The following GRM8 variants were observed in gnomAD, a reference collection of about 807,000 sequenced individuals.
GRM8 encodes glutamate metabotropic receptor 8, also known as metabotropic glutamate receptor 8.
A neutral mutation model predicts 87.2 loss-of-function variants in GRM8; 47 were observed. The ratio of observed to expected loss-of-function variants is 0.54; its 90% CI spans 0.43 to 0.69. The LOEUF (loss-of-function observed/expected upper bound fraction) is 0.69, where lower values mean the gene tolerates loss of function less well. Among genes scored for constraint, GRM8 ranks in the 30% least tolerant of loss-of-function variants. The pLI is 0.00. For missense variants in GRM8, 1,019 were observed against 1,139.2 expected (o/e 0.89, Z 1.52); for synonymous variants, 396 against 404.5 (o/e 0.98, Z 0.25).
At chr7:126,863,769 A>G (rs1221493747) in intron 6 of GRM8, among the ~76,000 whole-genome samples, 2 of 152,076 alleles carry the variant, frequency 1.3e-5, no homozygotes, top group Non-Finnish European at 2.9e-5. Context: ...TCCTATTTGG[A>G]TAGATTCATC....
chr7:126,626,101 AGT>A (rs71312854), intron 7 of GRM8, among the ~76,000 whole-genome samples: 3,607 of 148,660 alleles, frequency 0.024, 144 homozygotes, highest in African/African-American at 0.081. Flanking sequence ...ATATGAGAGA[AGT>A]GTGTGTGTGT....
At chr7:126,662,521 A>C (rs950363593) in intron 7 of GRM8, among the ~76,000 whole-genome samples, 5 of 152,170 alleles carry the variant, frequency 3.3e-5, no homozygotes, top group African/African-American at 1.2e-4. Flanking sequence ...TTCTGCAAAT[A>C]ATTCAGAAAA....
chr7:126,982,987 T>C (rs573203700), intron 3 of GRM8, among the ~76,000 whole-genome samples: 22 of 152,270 alleles, frequency 1.4e-4, no homozygotes, highest in Middle Eastern at 3.4e-3. Context: ...TGCATACCCT[T>C]CCTTACCTCT....
chr7:127,095,773 G>C (rs1450133889), intron 3 of GRM8: 1 of 152,178 alleles, frequency 6.6e-6, no homozygotes, highest in Non-Finnish European at 1.5e-5. Context: ...TGGGGGCAAT[G>C]CCTCTAAATG....
intron 9 of GRM8, among the ~76,000 whole-genome samples, chr7:126,487,336 G>C (rs143480826): frequency 4.7e-4 from 71 of 151,992 alleles, no homozygotes; most frequent in Non-Finnish European, 9.1e-4. Context: ...CTGCAATGTT[G>C]TCTAGGCTAG....
chr7:126,839,134 C>T (rs1796049121), intron 6 of GRM8, among the ~76,000 whole-genome samples: 1 of 152,288 alleles, frequency 6.6e-6, no homozygotes, highest in South Asian at 2.1e-4. Context: ...CTATACCAGG[C>T]ACTTTACATA....
chr7:126,749,894 T>C (rs149272916), intron 7 of GRM8, among the ~76,000 whole-genome samples: 1 of 152,170 alleles, frequency 6.6e-6, no homozygotes, highest in Non-Finnish European at 1.5e-5. Flanking sequence ...CTGTTAGTGA[T>C]GCAAAATGGT....
chr7:126,492,352 A>T (rs1028324218), intron 9 of GRM8, among the ~76,000 whole-genome samples: 1 of 152,026 alleles, frequency 6.6e-6, no homozygotes, highest in Non-Finnish European at 1.5e-5. Context: ...CACCTGGCCT[A>T]TAAGGAACTG....
chr7:126,620,936 C>T (rs1800100530), intron 7 of GRM8, among the ~76,000 whole-genome samples: 1 of 152,142 alleles, frequency 6.6e-6, no homozygotes, highest in Admixed American at 6.6e-5. Flanking sequence ...TCCCCTCATG[C>T]TACCAAAACC....
intron 3 of GRM8, among the ~76,000 whole-genome samples, chr7:127,015,176 G>GAGAAGAAGAAGA (rs778849282): frequency 6.9e-5 from 6 of 87,030 alleles, no homozygotes; most frequent in Admixed American, 1.5e-4. Context: ...GAAGGAGAAG[G>GAGAAGAAGAAGA]AGAAGAAGAA....
chr7:126,725,717 T>C (rs1049316187), intron 7 of GRM8, among the ~76,000 whole-genome samples: 5 of 152,210 alleles, frequency 3.3e-5, no homozygotes, highest in African/African-American at 7.2e-5. Flanking sequence ...GTTATGCAGG[T>C]TGTATAAGAA....
At chr7:126,644,281 T>C (rs1459854383) in intron 7 of GRM8, among the ~76,000 whole-genome samples, 1 of 152,210 alleles carries the variant, frequency 6.6e-6, no homozygotes, top group African/African-American at 2.4e-5. Flanking sequence ...CATACTTTAC[T>C]CATAAATATT....
chr7:126,910,000 ACT>A (rs1036762389), intron 3 of GRM8, among the ~76,000 whole-genome samples: 7 of 139,596 alleles, frequency 5.0e-5, no homozygotes, highest in African/African-American at 1.9e-4. Context: ...AAATTTAAAG[ACT>A]CTTTTTTTTT....
chr7:126,793,874 G>T (rs909743373), intron 6 of GRM8, among the ~76,000 whole-genome samples: 17 of 152,094 alleles, frequency 1.1e-4, no homozygotes, highest in African/African-American at 4.1e-4. Context: ...AACCATGTGA[G>T]GTCAATGATG....
intron 3 of GRM8, among the ~76,000 whole-genome samples, chr7:127,035,292 G>T (rs1486930018): frequency 6.6e-6 from 1 of 152,122 alleles, no homozygotes; most frequent in Non-Finnish European, 1.5e-5. Context: ...CCTTGTTAAG[G>T]CTGTGTCTAT....
intron 2 of GRM8, among the ~76,000 whole-genome samples, chr7:127,217,663 A>T (rs961317602): frequency 6.6e-6 from 1 of 152,152 alleles, no homozygotes; most frequent in African/African-American, 2.4e-5. Context: ...TAGGTCTCTC[A>T]TATCCCTTCC....
At chr7:126,854,703 T>C (rs774147496) in intron 6 of GRM8, among the ~76,000 whole-genome samples, 1 of 152,206 alleles carries the variant, frequency 6.6e-6, no homozygotes, top group African/African-American at 2.4e-5. Context: ...CCAAAAGTAA[T>C]TTCTGTCTTT....
At chr7:126,522,852 C>G (rs539245544) in intron 9 of GRM8, among the ~76,000 whole-genome samples, 1 of 152,320 alleles carries the variant, frequency 6.6e-6, no homozygotes, top group Non-Finnish European at 1.5e-5. Context: ...TCTTACTCTG[C>G]CTTGACCAGT....
At chr7:126,575,909 C>G (rs535546856) in intron 8 of GRM8, among the ~76,000 whole-genome samples, 5 of 152,292 alleles carry the variant, frequency 3.3e-5, no homozygotes, top group Non-Finnish European at 7.3e-5. Context: ...CAATTATTAG[C>G]TCTCATCCAC....
Sources: gnomAD v4.1 joint callset for allele counts (sites outside exome capture counted in the v4.1 genomes callset) on GRCh38, gnomAD v4.1.1 for gene constraint, MANE v1.5 for transcripts, NCBI Gene and HGNC (gene_info 2026-07-23, HGNC 2026-07-21) for gene names.